Variants in SECISBP2 observed in about 807,000 individuals in gnomAD.
SECISBP2 encodes the protein selenocysteine insertion sequence-binding protein 2.
SECISBP2 carries 96 observed loss-of-function variants against 98.2 expected under a neutral mutation model. The observed-to-expected ratio is 0.98, with a 90% CI of 0.83 to 1.16. SECISBP2 has a LOEUF of 1.16. Ranked by LOEUF, SECISBP2 falls within the 50% of genes most tolerant of loss-of-function variation. The pLI, the probability that SECISBP2 is intolerant of heterozygous loss-of-function variation, is 0.00. For synonymous variants in SECISBP2, 407 were observed against 370.2 expected (o/e 1.10, Z -1.14); for missense variants, 1,046 against 1,022.9 (o/e 1.02, Z -0.31).
chr9:89,357,173 C>T (rs1211745371), intron 14 of SECISBP2: 1 of 561,724 alleles, frequency 1.8e-6, no homozygotes, highest in Non-Finnish European at 3.2e-6. Context: ...TTCAGTAATA[C>T]TAATAGTTAA....
intron 12 of SECISBP2, among the ~76,000 whole-genome samples, chr9:89,349,115 C>T (rs887721020): frequency 4.6e-5 from 7 of 152,192 alleles, no homozygotes; most frequent in African/African-American, 1.7e-4. Flanking sequence ...AGGTGCTCCC[C>T]ATCTCTACCA....
At position 89,338,472 on chromosome 9, in the gene SECISBP2, A is replaced by G. The variant is rs1460961032; in HGVS notation, c.1104A>G (p.Gln368=). 3 of 1,613,540 alleles carry G rather than the reference A, an allele frequency of 1.9e-6. No individual in the cohort carries two copies. Among genetic ancestry groups the G allele is most frequent in the Non-Finnish European group, 2.5e-6 (3 of 1,179,948 alleles). The change falls in exon 8 of 17, where the codon CAA becomes CAG. Residue 368 remains glutamine, a synonymous_variant. Coordinates refer to ENST00000375807, the MANE Select transcript of SECISBP2 (RefSeq NM_024077.5). The part of the protein sequence containing the change: ...IHPTQKSKAS[Q]GSDLEQNEAS... ...TTCTGTTCTAGTCTAAAGCATCACA[A>G]GGTAGTGACCTTGAACAAAATGAAG...
intron 14 of SECISBP2, 55 bp from the exon 15 acceptor site, chr9:89,357,356 A>C: frequency 6.2e-7 from 1 of 1,607,190 alleles, no homozygotes; most frequent in South Asian, 1.1e-5. Flanking sequence ...ACCAGTATTA[A>C]CACCACACTC....
chr9:89,342,091 A>G (rs779171261), intron 10 of SECISBP2, among the ~76,000 whole-genome samples: 4 of 152,262 alleles, frequency 2.6e-5, no homozygotes, highest in Non-Finnish European at 5.9e-5. Context: ...CTCCAGCTGA[A>G]TAGCAAACAA....
At position 89,325,513 on chromosome 9, in the gene SECISBP2, A is replaced by C; in HGVS notation, c.269A>C (p.Tyr90Ser). The C allele has an allele frequency of 6.2e-7, 1 of 1,613,876 alleles. No homozygotes were observed. Among genetic ancestry groups the C allele is most frequent in the South Asian group, 1.1e-5 (1 of 91,078 alleles). ...TCTTCTGAGATAACTCTTCATCCAT[A>C]TGCCTATTCTCCTTATACCCTTGAC... ...YLSSEITLHP[Y>S]AYSPYTLDST... The change falls in exon 3 of 17, where the codon TAT (tyrosine) becomes TCT (serine). Residue 90 changes from tyrosine (Y) to serine (S), a missense_variant. Coordinates refer to ENST00000375807, the MANE Select transcript of SECISBP2 (RefSeq NM_024077.5).
Position 89,325,878 on chromosome 9 carries a change from T to C in SECISBP2, c.433-19T>C. On this transcript the variant is annotated intron_variant, in intron 3 of 16. Coordinates refer to ENST00000375807, the MANE Select transcript of SECISBP2 (RefSeq NM_024077.5). The stretch of plus-strand genomic sequence containing the variant: ...TAGTGGTGGTTTTATTTCATGTTGC[T>C]TTTTAATCTTTCCTGCAGAAGAAAA... 1 of 1,613,508 alleles carries C rather than the reference T, an allele frequency of 6.2e-7. No individual in the cohort carries two copies. The highest frequency in any genetic ancestry group is 8.5e-7 in the Non-Finnish European group (1 of 1,179,962).
intron 2 of SECISBP2, among the ~76,000 whole-genome samples, chr9:89,321,275 A>G (rs1825762628): frequency 6.6e-6 from 1 of 152,224 alleles, no homozygotes; most frequent in South Asian, 2.1e-4. Context: ...TACTCAAAAT[A>G]GTGGTGGAAA....
At chr9:89,327,987 A>G (rs943068302) in intron 4 of SECISBP2, among the ~76,000 whole-genome samples, 15 of 151,944 alleles carry the variant, frequency 9.9e-5, no homozygotes, top group South Asian at 8.3e-4. Context: ...TGTATTTTCA[A>G]TAGAGTTGGG....
intron 2 of SECISBP2, chr9:89,322,074 T>TCCTCCAGTA (rs1184183989): frequency 1.3e-5 from 2 of 152,236 alleles, no homozygotes; most frequent in African/African-American, 4.8e-5. Flanking sequence ...GAATTTGTCC[T>TCCTCCAGTA]CCTCCAGTAC....
At chr9:89,336,640 T>A (rs745413101) in intron 7 of SECISBP2, among the ~76,000 whole-genome samples, 1 of 151,852 alleles carries the variant, frequency 6.6e-6, no homozygotes, top group Non-Finnish European at 1.5e-5. Flanking sequence ...GAGAGCAGTA[T>A]GTGTAAGGGA....
Position 89,349,840 on chromosome 9 carries a change from A to AGGCACAGAGCTCCAGAGG in SECISBP2, c.1805_1822dup (p.Gly602_Arg607dup), listed in dbSNP as rs1830996596. The AGGCACAGAGCTCCAGAGG allele has an allele frequency of 1.9e-6, 3 of 1,614,224 alleles. No individual in the cohort carries two copies. Among genetic ancestry groups the AGGCACAGAGCTCCAGAGG allele is most frequent in the Non-Finnish European group, 2.5e-6 (3 of 1,180,032 alleles). On this transcript the variant is annotated inframe_insertion, in exon 13 of 17. Transcript: ENST00000375807. Reference sequence around the variant, plus strand: ...TTGAGGACAAGTCTGAAGAGCCACCAGGCACAGAGCTCCAGAGGGACACAG... The same window carrying AGGCACAGAGCTCCAGAGG: ...TTGAGGACAAGTCTGAAGAGCCACCAGGCACAGAGCTCCAGAGGGGCACAGAGCTCCAGAGGGACACAG...
intron 2 of SECISBP2, among the ~76,000 whole-genome samples, chr9:89,320,344 A>G (rs1296397024): frequency 7.8e-6 from 1 of 128,802 alleles, no homozygotes; most frequent in Non-Finnish European, 1.6e-5. Flanking sequence ...TGACAGAGTG[A>G]GACTCTGTCT....
intron 14 of SECISBP2, among the ~76,000 whole-genome samples, chr9:89,352,392 G>T (rs1242660889): frequency 2.0e-5 from 3 of 152,162 alleles, no homozygotes; most frequent in Non-Finnish European, 2.9e-5. Context: ...CTCTTGTTTT[G>T]TTGGAGTGCA....
intron 6 of SECISBP2, chr9:89,333,995 G>C (rs1396052541): frequency 9.7e-7 from 1 of 1,029,280 alleles, no homozygotes; most frequent in Admixed American, 5.1e-5. Flanking sequence ...CCTGTGTCCT[G>C]ATAGATGTCT....
intron 1 of SECISBP2, chr9:89,318,829 G>A: frequency 7.8e-7 from 1 of 1,277,048 alleles, no homozygotes; most frequent in Non-Finnish European, 9.9e-7. Context: ...CACAGTTAGC[G>A]CCGCGTCTGT....
chr9:89,328,754 T>G lies in SECISBP2; in HGVS notation c.669T>G (p.Phe223Leu). 1 of 1,614,194 alleles carries G rather than the reference T, an allele frequency of 6.2e-7. No individual in the cohort carries two copies. The highest frequency in any genetic ancestry group is 2.2e-5 in the East Asian group (1 of 44,886). Reference protein sequence around the residue: ...KPEFEFTTLDFPELQGAENNM... With the variant: ...KPEFEFTTLDLPELQGAENNM... ...AGTTTGAATTTACCACACTGGACTT[T>G]CCTGAACTGCAAGGTGCAGAGAACA... is the stretch of plus-strand genomic sequence containing the variant. Residue 223 changes from phenylalanine (F) to leucine (L), a missense_variant, in exon 5 of 17, where the codon TTT (phenylalanine) becomes TTG (leucine). Coordinates refer to ENST00000375807, the MANE Select transcript of SECISBP2 (RefSeq NM_024077.5).
At position 89,327,624 on chromosome 9, in the gene SECISBP2, T is replaced by G. The variant is rs540097056; in HGVS notation, c.575-1036T>G. Among the ~76,000 whole-genome samples the G allele has an allele frequency of 2.7e-4, 41 of 152,158 alleles. 1 individual carries two copies. Among genetic ancestry groups the G allele is most frequent in the Non-Finnish European group, 4.1e-4 (28 of 68,028 alleles). On this transcript the variant is annotated intron_variant, in intron 4 of 16. Transcript: ENST00000375807. ...ACAACCACACACATTAGCCTAGGCCTGTACAGGGTCAGAATCATCTGTATC... is the reference window on the plus strand; with the variant it reads ...ACAACCACACACATTAGCCTAGGCCGGTACAGGGTCAGAATCATCTGTATC...
intron 1 of SECISBP2, chr9:89,318,872 C>T (rs1010512735): frequency 1.4e-4 from 170 of 1,253,284 alleles, no homozygotes; most frequent in Middle Eastern, 9.0e-4. Flanking sequence ...TGACTGCGGC[C>T]CAGCCCGGCG....
intron 10 of SECISBP2, among the ~76,000 whole-genome samples, chr9:89,342,799 G>A (rs1021171324): frequency 2.0e-5 from 3 of 152,186 alleles, no homozygotes; most frequent in East Asian, 1.9e-4. Context: ...TGGGGACAGA[G>A]TATTCATTGG....
Sources: allele counts gnomAD v4.1 joint callset (sites outside exome capture counted in the v4.1 genomes callset), GRCh38; gene constraint gnomAD v4.1.1; transcripts MANE v1.5; gene names NCBI Gene and HGNC (gene_info 2026-07-23, HGNC 2026-07-21).